The following MICAL2 variants were observed in gnomAD, a reference collection of about 807,000 sequenced individuals.
MICAL2 encodes [F-actin]-monooxygenase MICAL2.
A neutral mutation model predicts 127.3 loss-of-function variants in MICAL2; 77 were observed. The ratio of observed to expected loss-of-function variants is 0.60; its 90% CI spans 0.50 to 0.73. MICAL2 has a LOEUF of 0.73. Among genes scored for constraint, MICAL2 ranks in the 30% least tolerant of loss-of-function variants. MICAL2 has a pLI of 0.00. For missense variants in MICAL2, 1,351 were observed against 1,434.4 expected (o/e 0.94, Z 0.94); for synonymous variants, 570 against 551.1 (o/e 1.03, Z -0.48).
chr11:12,332,583 T>A (rs1192729735), intron 32 of MICAL2, among the ~76,000 whole-genome samples: 1 of 151,742 alleles, frequency 6.6e-6, no homozygotes, highest in East Asian at 1.9e-4. Context: ...AGCAAGAGAG[T>A]TTATTATTCA....
In MICAL2 at chr11:12,242,668, C is replaced by A; in HGVS notation, c.2557-3C>A. 2 of 1,610,778 alleles carry A rather than the reference C, an allele frequency of 1.2e-6. No individual in the cohort carries two copies. Among genetic ancestry groups the A allele is most frequent in the Non-Finnish European group, 1.7e-6 (2 of 1,177,812 alleles). On this transcript the variant is annotated splice_polypyrimidine_tract_variant and splice_region_variant and intron_variant, in intron 19 of 27. Transcript: ENST00000683283. ...TCTTTCTCCTTTCTCACCTTCACTG[C>A]AGAAGAGGGCTCAGAACTTGGCCAA...
In MICAL2 at chr11:12,324,840, A is replaced by G. The variant is rs544954900; in HGVS notation, c.5421+770A>G. On this transcript the variant is annotated intron_variant, in intron 31 of 34. Transcript: ENST00000646065. ...CTTCCCCGTGGCTGACTTGGGAGCT[A>G]CCTCTTTCACCTAGTGAATGGGGAA... Among the ~76,000 whole-genome samples the G allele has an allele frequency of 2.0e-5, 3 of 152,234 alleles. No homozygotes were observed. In the South Asian group the frequency reaches 6.2e-4, roughly 32 times the overall value.
intron 2 of MICAL2, among the ~76,000 whole-genome samples, chr11:12,138,918 TA>T: frequency 6.6e-6 from 1 of 152,268 alleles, no homozygotes; most frequent in Middle Eastern, 3.4e-3. Context: ...GTGGTCACAT[TA>T]TCCTTGTTTA....
chr11:12,239,041 T>G (rs2706632), intron 16 of MICAL2, among the ~76,000 whole-genome samples: 5 of 152,268 alleles, frequency 3.3e-5, no homozygotes, highest in African/African-American at 1.2e-4. Context: ...AGCCAGATGA[T>G]GTATTTTTGA....
At chr11:12,311,362 TTTTC>T (rs1283451947) in intron 29 of MICAL2, among the ~76,000 whole-genome samples, 1 of 152,052 alleles carries the variant, frequency 6.6e-6, no homozygotes, top group African/African-American at 2.4e-5. Flanking sequence ...GGCCTAAAAT[TTTTC>T]TTTCTTTTTT....
At chr11:12,294,356 A>G, downstream of MICAL2, 1 of 1,614,220 alleles carries the variant, frequency 6.2e-7, no homozygotes, top group African/African-American at 1.3e-5. Flanking sequence ...ACAGGCCTGC[A>G]CTCGCTCATT....
At chr11:12,343,724 G>T (rs1938907866) in intron 32 of MICAL2, among the ~76,000 whole-genome samples, 1 of 152,192 alleles carries the variant, frequency 6.6e-6, no homozygotes, top group Non-Finnish European at 1.5e-5. Context: ...TTTGGATCGA[G>T]AACAAGGAAG....
chr11:12,327,868 A>G (rs1864372759), intron 32 of MICAL2, among the ~76,000 whole-genome samples: 1 of 149,968 alleles, frequency 6.7e-6, no homozygotes, highest in Middle Eastern at 3.2e-3. Flanking sequence ...TGGGTATTGG[A>G]GCAGTGTTGG....
chr11:12,168,273 CCA>C (rs996751987), intron 3 of MICAL2, among the ~76,000 whole-genome samples: 1 of 150,990 alleles, frequency 6.6e-6, no homozygotes, highest in African/African-American at 2.4e-5. Flanking sequence ...TACATATACA[CCA>C]CACACATACA....
chr11:12,117,151 G>A (rs1850109782), intron 1 of MICAL2, among the ~76,000 whole-genome samples: 1 of 152,196 alleles, frequency 6.6e-6, no homozygotes, highest in South Asian at 2.1e-4. Flanking sequence ...AAGAACCGGA[G>A]CTGTGCTTCC....
rs1007455028 is a variant in MICAL2, at chr11:12,242,329, G to C, written c.2453G>C (p.Gly818Ala). Residue 818 changes from glycine (G) to alanine (A), a missense_variant, in exon 19 of 28, where the codon GGT (glycine) becomes GCT (alanine). Physicochemically the swap from Gly to Ala is moderately conservative, Grantham distance 60 (BLOSUM62 0). Around this residue, in one of 2 missense-constraint regions of MICAL2, gnomAD observed 752 missense variants for 719.4 expected, o/e 1.05. Coordinates refer to ENST00000683283, the MANE Select transcript of MICAL2 (RefSeq NM_001282663.2). ...AGAGCCAAGTCTGACCTACAGCTGGGTGGGACAGAAAATTTCGCTACCCTG... is the reference window on the plus strand; with the variant it reads ...AGAGCCAAGTCTGACCTACAGCTGGCTGGGACAGAAAATTTCGCTACCCTG... The part of the protein sequence containing the change: ...RARAKSDLQL[G>A]GTENFATLPS... The C allele has an allele frequency of 6.2e-7, 1 of 1,614,152 alleles. No individual in the cohort carries two copies. The highest frequency in any genetic ancestry group is 8.5e-7 in the Non-Finnish European group (1 of 1,180,008).
chr11:12,168,561 CAT>C lies in MICAL2; in HGVS notation c.264+6149_264+6150del, dbSNP rs138280116. Among the ~76,000 whole-genome samples, 825 of 151,814 alleles carry C rather than the reference CAT, an allele frequency of 5.4e-3. 7 individuals are homozygous for C. The highest frequency in any genetic ancestry group is 0.019 in the African/African-American group (797 of 41,374). ...ACATATCTATTTCTTTACATAGACA[CAT>C]ATATATTTCTTTAAATATGTATATA... On this transcript the variant is annotated intron_variant, in intron 3 of 27. Transcript: ENST00000683283.
intron 6 of MICAL2, among the ~76,000 whole-genome samples, chr11:12,211,531 A>G (rs1390555856): frequency 2.0e-5 from 3 of 152,204 alleles, no homozygotes; most frequent in African/African-American, 7.2e-5. Context: ...TTATGTCTGG[A>G]GGTCTGCACC....
intron 9 of MICAL2, among the ~76,000 whole-genome samples, chr11:12,221,321 T>A (rs888838032): frequency 1.3e-5 from 2 of 152,224 alleles, no homozygotes; most frequent in African/African-American, 4.8e-5. Flanking sequence ...CCCATCCATT[T>A]GTTAAAATCA....
intron 29 of MICAL2, among the ~76,000 whole-genome samples, chr11:12,309,515 T>G (rs1462128774): frequency 6.6e-6 from 1 of 152,180 alleles, no homozygotes; most frequent in Non-Finnish European, 1.5e-5. Flanking sequence ...AAGATTTTAT[T>G]TTTTATGGCT....
chr11:12,296,133 C>A (rs904691721), downstream of MICAL2, among the ~76,000 whole-genome samples: 4 of 151,994 alleles, frequency 2.6e-5, no homozygotes, highest in Non-Finnish European at 4.4e-5. Flanking sequence ...TTAGTCTATT[C>A]CCTTAGAGAC....
intron 2 of MICAL2, among the ~76,000 whole-genome samples, chr11:12,283,072 G>A (rs772650229): frequency 6.6e-6 from 1 of 152,196 alleles, no homozygotes; most frequent in African/African-American, 2.4e-5. Context: ...TGTCGAGTTA[G>A]TCTTCATCAG....
At chr11:12,299,548 A>G (rs957323142) in intron 29 of MICAL2, among the ~76,000 whole-genome samples, 1 of 152,256 alleles carries the variant, frequency 6.6e-6, no homozygotes, top group African/African-American at 2.4e-5. Context: ...ACTTGGAGGC[A>G]TAAACTAATT....
Position 12,256,869 on chromosome 11 carries a change from C to A in MICAL2, c.3040C>A (p.Arg1014=). Residue 1014 remains arginine (R), a synonymous_variant, in exon 24 of 28, where the codon CGG becomes AGG. Coordinates refer to ENST00000683283, the MANE Select transcript of MICAL2 (RefSeq NM_001282663.2). ...FCKKRVYVME[R]LSAEGHFFHR... is the part of the protein sequence containing the mutation. ...TAAGAAACGTGTGTACGTGATGGAACGGCTGAGCGCCGAGGGCCACTTCTT... is the reference window on the plus strand; with the variant it reads ...TAAGAAACGTGTGTACGTGATGGAAAGGCTGAGCGCCGAGGGCCACTTCTT... 2 of 1,614,208 alleles carry A rather than the reference C, an allele frequency of 1.2e-6. No individual in the cohort carries two copies. The highest frequency in any genetic ancestry group is 1.7e-6 in the Non-Finnish European group (2 of 1,180,020).
Sources: allele counts gnomAD v4.1 joint callset (sites outside exome capture counted in the v4.1 genomes callset), GRCh38; gene constraint gnomAD v4.1.1; regional missense constraint gnomAD v4.1.1; transcripts MANE v1.5; gene names NCBI Gene and HGNC (gene_info 2026-07-23, HGNC 2026-07-21).